KIZ: variants seen among roughly 807,000 people sequenced by gnomAD.
The protein encoded by KIZ is kizuna centrosomal protein, also known as centrosomal protein kizuna.
KIZ carries 68 observed loss-of-function variants against 79.6 expected under a neutral mutation model. The ratio of observed to expected loss-of-function variants is 0.85; its 90% CI spans 0.70 to 1.05. The LOEUF is 1.05. KIZ is among the 50% of genes least tolerant of loss of function. The pLI is 0.00. For missense variants in KIZ, 797 were observed against 800.4 expected (o/e 1.00, Z 0.05); for synonymous variants, 280 against 281.8 (o/e 0.99, Z 0.06).
chr20:21,244,044 C>T (rs1030625203), intron 11 of KIZ, among the ~76,000 whole-genome samples: 2 of 152,176 alleles, frequency 1.3e-5, no homozygotes, highest in African/African-American at 4.8e-5. Flanking sequence ...AGGACGGGAG[C>T]AATGCTGTTG....
In KIZ at chr20:21,186,853, T is replaced by G. The variant is rs79328983; in HGVS notation, c.1353-18638T>G. Among the ~76,000 whole-genome samples, 31 of 152,260 alleles carry G rather than the reference T, an allele frequency of 2.0e-4. No individual in the cohort carries two copies. In the East Asian group the frequency reaches 5.8e-3, roughly 28 times the overall value. ...TCCATTTATCCATTCATAATACTTG[T>G]TCTTGTCCACTTTCATTTTTCTTAT... On this transcript the variant is annotated intron_variant, in intron 6 of 12. Transcript: ENST00000619189.
chr20:21,126,072 A>AG (rs1555868152), upstream of KIZ: 5 of 1,404,376 alleles, frequency 3.6e-6, no homozygotes, highest in Non-Finnish European at 4.6e-6. Context: ...CCCCGGCCGA[A>AG]CGGCCACCCA....
At chr20:21,165,643 G>T (rs1249946981) in intron 6 of KIZ, among the ~76,000 whole-genome samples, 1 of 151,760 alleles carries the variant, frequency 6.6e-6, no homozygotes, top group African/African-American at 2.4e-5. Flanking sequence ...GCTCCCTGTT[G>T]TCCATTCCCT....
At chr20:21,143,260 C>A (rs1156589888) in intron 3 of KIZ, among the ~76,000 whole-genome samples, 3 of 151,450 alleles carry the variant, frequency 2.0e-5, no homozygotes, top group African/African-American at 7.4e-5. Flanking sequence ...TTTTAAACGT[C>A]GATTCAGTTC....
intron 6 of KIZ, among the ~76,000 whole-genome samples, chr20:21,203,208 C>T (rs915569577): frequency 3.9e-5 from 6 of 151,954 alleles, no homozygotes; most frequent in African/African-American, 1.5e-4. Context: ...TGTGACATTC[C>T]CTCCCTCCTT....
intron 6 of KIZ, among the ~76,000 whole-genome samples, chr20:21,199,535 C>G (rs769446411): frequency 6.6e-6 from 1 of 152,162 alleles, no homozygotes; most frequent in Non-Finnish European, 1.5e-5. Flanking sequence ...AAAAAAGTGC[C>G]AAGTGTTTGT....
Position 21,162,211 on chromosome 20 carries a change from C to T in KIZ, c.746C>T (p.Thr249Ile). The T allele has an allele frequency of 2.5e-6, 4 of 1,613,634 alleles. No individual in the cohort carries two copies. The South Asian group carries it at 3.3e-5, about 13-fold the overall frequency. ...TASVLSEEEQ[T>I]HCLEIGSNTR... Reference sequence around the variant, plus strand: ...AGTGTATTGTCTGAGGAGGAACAAACTCATTGCTTGGAGATAGGAAGTAAC... The same window carrying T: ...AGTGTATTGTCTGAGGAGGAACAAATTCATTGCTTGGAGATAGGAAGTAAC... Residue 249 changes from threonine to isoleucine, a missense_variant, in exon 5 of 13, where the codon ACT becomes ATT. Transcript: ENST00000619189.
At chr20:21,193,094 G>A (rs2035184284) in intron 6 of KIZ, among the ~76,000 whole-genome samples, 1 of 152,126 alleles carries the variant, frequency 6.6e-6, no homozygotes, top group African/African-American at 2.4e-5. Flanking sequence ...GAGAGACCTT[G>A]CATCTCTGCT....
chr20:21,163,600 T>C (rs2033798535), intron 6 of KIZ, among the ~76,000 whole-genome samples: 1 of 152,254 alleles, frequency 6.6e-6, no homozygotes, highest in Non-Finnish European at 1.5e-5. Flanking sequence ...TTAATCCTTA[T>C]ATTCCTTGCC....
chr20:21,136,256 TGTTTGGGTTTCGGTG>T, intron 2 of KIZ, 119 bp from the exon 3 acceptor site: 1 of 582,842 alleles, frequency 1.7e-6, no homozygotes, highest in Non-Finnish European at 3.0e-6. Context: ...TACATTTTGT[TGTTTGGGTTTCGGTG>T]GTTTGGGTAA....
At chr20:21,129,885 C>T (rs2031730443) in intron 1 of KIZ, among the ~76,000 whole-genome samples, 1 of 152,128 alleles carries the variant, frequency 6.6e-6, no homozygotes, top group Non-Finnish European at 1.5e-5. Context: ...ACTGAGATAT[C>T]AGTTGGGTAT....
At chr20:21,238,229 T>C (rs2037090362) in intron 11 of KIZ, among the ~76,000 whole-genome samples, 1 of 152,138 alleles carries the variant, frequency 6.6e-6, no homozygotes, top group Non-Finnish European at 1.5e-5. Context: ...TTTTTTTTTT[T>C]TTTAAATAAA....
intron 11 of KIZ, among the ~76,000 whole-genome samples, chr20:21,239,455 T>C (rs2037143236): frequency 1.3e-5 from 2 of 152,212 alleles, no homozygotes; most frequent in Non-Finnish European, 1.5e-5. Context: ...ACACATCTCT[T>C]AACCTCTCTG....
intron 6 of KIZ, among the ~76,000 whole-genome samples, chr20:21,179,483 TCTAG>T (rs2034564195): frequency 6.6e-6 from 1 of 151,972 alleles, no homozygotes. Context: ...TCTTAAGTAG[TCTAG>T]CTAACGGTTT....
intron 3 of KIZ, among the ~76,000 whole-genome samples, chr20:21,140,501 G>A (rs1278390731): frequency 2.0e-5 from 3 of 152,168 alleles, no homozygotes; most frequent in African/African-American, 7.2e-5. Flanking sequence ...CTCCTAAAAT[G>A]AGCTAAATAC....
intron 9 of KIZ, 23 bp from the exon 10 acceptor site, chr20:21,228,988 C>G (rs768719784): frequency 2.2e-6 from 3 of 1,346,988 alleles, no homozygotes; most frequent in Non-Finnish European, 3.2e-6. Context: ...TGTAATATTT[C>G]TGTGTTTTTC....
intron 3 of KIZ, among the ~76,000 whole-genome samples, chr20:21,143,519 C>T (rs1006284150): frequency 5.9e-5 from 9 of 152,286 alleles, no homozygotes; most frequent in South Asian, 2.1e-4. Flanking sequence ...ATCTGTTAAT[C>T]GTTGTTAACA....
chr20:21,203,711 T>C (rs1353155915), intron 6 of KIZ, among the ~76,000 whole-genome samples: 1 of 152,232 alleles, frequency 6.6e-6, no homozygotes, highest in Non-Finnish European at 1.5e-5. Context: ...TTCTATTTCT[T>C]TATTTACCAA....
At chr20:21,200,332 G>A (rs556882785) in intron 6 of KIZ, among the ~76,000 whole-genome samples, 7 of 152,148 alleles carry the variant, frequency 4.6e-5, no homozygotes, top group East Asian at 3.9e-4. Context: ...TCCATGGAGC[G>A]GGTTTAGGGA....
Sources: gnomAD v4.1 joint callset for allele counts (sites outside exome capture counted in the v4.1 genomes callset) on GRCh38, gnomAD v4.1.1 for gene constraint, MANE v1.5 for transcripts, NCBI Gene and HGNC (gene_info 2026-07-23, HGNC 2026-07-21) for gene names.